The following MAPK10 variants were observed in gnomAD, a reference collection of about 807,000 sequenced individuals.
MAPK10 encodes the protein mitogen-activated protein kinase 10, also known as JNK3 alpha protein kinase.
MAPK10 carries 25 observed loss-of-function variants against 59.3 expected under a neutral mutation model. The observed-to-expected ratio is 0.42, with a 90% CI of 0.31 to 0.59. MAPK10 has a LOEUF of 0.59. MAPK10 is among the 20% of genes least tolerant of loss of function. MAPK10 has a pLI of 0.15. For missense variants in MAPK10, 351 were observed against 568.9 expected (o/e 0.62, Z 3.90); for synonymous variants, 190 against 200.5 (o/e 0.95, Z 0.44).
At chr4:86,329,836 CTT>C (rs2096112201) in intron 2 of MAPK10, among the ~76,000 whole-genome samples, 1 of 151,376 alleles carries the variant, frequency 6.6e-6, no homozygotes, top group Admixed American at 6.6e-5. Flanking sequence ...AAGAATGTCT[CTT>C]ATTATATTAT....
chr4:86,484,349 CT>C (rs1326570389), intron 1 of MAPK10, among the ~76,000 whole-genome samples: 1 of 152,182 alleles, frequency 6.6e-6, no homozygotes, highest in East Asian at 1.9e-4. Flanking sequence ...CTTTAAATAA[CT>C]TGTCCAAGTT....
At chr4:86,589,324 CTTTGTTAGGATGACTGGAA>C (rs1310587936) in intron 1 of MAPK10, among the ~76,000 whole-genome samples, 32 of 152,130 alleles carry the variant, frequency 2.1e-4, no homozygotes, top group Non-Finnish European at 4.0e-4. Flanking sequence ...AACTTTCCGT[CTTTGTTAGGATGACTGGAA>C]CTTGTACCAC....
At chr4:86,235,569 T>C (rs2092132695) in intron 2 of MAPK10, among the ~76,000 whole-genome samples, 1 of 152,196 alleles carries the variant, frequency 6.6e-6, no homozygotes, top group Non-Finnish European at 1.5e-5. Flanking sequence ...TTGACATGTA[T>C]CACATTATAG....
chr4:86,510,780 A>G (rs896295968), intron 1 of MAPK10, among the ~76,000 whole-genome samples: 5 of 152,160 alleles, frequency 3.3e-5, no homozygotes, highest in African/African-American at 1.2e-4. Flanking sequence ...GAAATAAGCC[A>G]GGCACAGAAA....
intron 11 of MAPK10, 26 bp downstream of exon 11, chr4:86,064,240 C>G: frequency 1.2e-6 from 2 of 1,612,868 alleles, no homozygotes; most frequent in Non-Finnish European, 1.7e-6. Flanking sequence ...TTTGTGGAAG[C>G]AAAGTAAAGG....
At chr4:86,346,613 G>T (rs1172151980) in intron 2 of MAPK10, among the ~76,000 whole-genome samples, 3 of 151,812 alleles carry the variant, frequency 2.0e-5, no homozygotes, top group Non-Finnish European at 4.4e-5. Flanking sequence ...GGGACCTCAG[G>T]TCTCTAACCA....
chr4:86,140,683 T>C (rs1221204691), intron 4 of MAPK10, among the ~76,000 whole-genome samples: 1 of 150,370 alleles, frequency 6.7e-6, no homozygotes, highest in Non-Finnish European at 1.5e-5. Context: ...TAAAGTATAA[T>C]AATAAAAAAA....
chr4:86,564,767 G>T (rs1019000488), intron 1 of MAPK10, among the ~76,000 whole-genome samples: 22 of 152,044 alleles, frequency 1.4e-4, no homozygotes, highest in African/African-American at 5.3e-4. Context: ...TCGGAAAAGG[G>T]TGCATTTTCA....
chr4:86,417,471 TC>T (rs1746001515), intron 1 of MAPK10, among the ~76,000 whole-genome samples: 1 of 152,222 alleles, frequency 6.6e-6, no homozygotes, highest in Admixed American at 6.5e-5. Context: ...TTCTTAATTT[TC>T]CTGCCTATAA....
At chr4:86,199,695 T>G (rs1373207643) in intron 2 of MAPK10, among the ~76,000 whole-genome samples, 1 of 152,018 alleles carries the variant, frequency 6.6e-6, no homozygotes, top group Non-Finnish European at 1.5e-5. Flanking sequence ...ATGAAACATA[T>G]CAAACATTAT....
chr4:86,219,436 T>C (rs893202965), intron 2 of MAPK10, among the ~76,000 whole-genome samples: 12 of 152,218 alleles, frequency 7.9e-5, no homozygotes, highest in African/African-American at 2.4e-4. Context: ...GATATTTTCC[T>C]AGTAAACTCA....
chr4:86,408,999 T>G (rs1744768124), intron 1 of MAPK10, among the ~76,000 whole-genome samples: 1 of 152,228 alleles, frequency 6.6e-6, no homozygotes, highest in Non-Finnish European at 1.5e-5. Flanking sequence ...TGAGTGGTAT[T>G]GCCTAGGTTT....
rs150792159 is a variant in MAPK10, at chr4:86,342,282, T to C, written c.-7+12248A>G. On this transcript the variant is annotated intron_variant, in intron 2 of 13. Transcript: ENST00000641462. ...CTTCTCTACTAAGCAGGAAAATAGT[T>C]TACAATAAGGAAGACTTAGAATAAA... is the stretch of plus-strand genomic sequence containing the variant. 3.8e-3 allele frequency among the ~76,000 whole-genome samples: 579 copies of C among 152,270 alleles called. 2 individuals carry two copies. The highest frequency in any genetic ancestry group is 6.3e-3 in the Non-Finnish European group (431 of 68,018).
chr4:86,059,799 T>A (rs751197665), intron 11 of MAPK10, among the ~76,000 whole-genome samples: 3 of 152,158 alleles, frequency 2.0e-5, no homozygotes, highest in Non-Finnish European at 2.9e-5. Flanking sequence ...CTCTGTGGTC[T>A]ACATTATAGC....
At chr4:86,305,538 G>T (rs917250689) in intron 2 of MAPK10, among the ~76,000 whole-genome samples, 1 of 152,218 alleles carries the variant, frequency 6.6e-6, no homozygotes, top group East Asian at 1.9e-4. Flanking sequence ...CAAAATCAAG[G>T]CCGGGCACCG....
At chr4:86,413,994 T>C (rs960762824) in intron 1 of MAPK10, among the ~76,000 whole-genome samples, 2 of 152,216 alleles carry the variant, frequency 1.3e-5, no homozygotes, top group African/African-American at 4.8e-5. Flanking sequence ...ACTCATCTTC[T>C]GTGTCAATCT....
intron 9 of MAPK10, among the ~76,000 whole-genome samples, chr4:86,092,240 C>G (rs1162894646): frequency 6.6e-6 from 1 of 151,942 alleles, no homozygotes; most frequent in African/African-American, 2.4e-5. Flanking sequence ...TGATAATATC[C>G]TGGAAATCTT....
intron 2 of MAPK10, among the ~76,000 whole-genome samples, chr4:86,264,893 T>C (rs188236554): frequency 0.065 from 9,280 of 142,786 alleles, 850 homozygotes; most frequent in African/African-American, 0.23. Flanking sequence ...CTGGACTTTT[T>C]TTTTTTTTTT....
chr4:86,497,842 C>T (rs1333809768), intron 1 of MAPK10, among the ~76,000 whole-genome samples: 1 of 152,208 alleles, frequency 6.6e-6, no homozygotes, highest in Non-Finnish European at 1.5e-5. Flanking sequence ...TAGAGCACCC[C>T]ACTCTGGCTG....
Sources: gnomAD v4.1 joint callset for allele counts (sites outside exome capture counted in the v4.1 genomes callset) on GRCh38, gnomAD v4.1.1 for gene constraint, MANE v1.5 for transcripts, NCBI Gene and HGNC (gene_info 2026-07-23, HGNC 2026-07-21) for gene names.